PCARE: variants seen among roughly 807,000 people sequenced by gnomAD.
PCARE encodes photoreceptor cilium actin regulator.
In PCARE, 72 loss-of-function variants were observed where a neutral mutation model predicts 82.2. That is an observed-to-expected ratio of 0.88 (90% CI 0.72 to 1.07). PCARE has a LOEUF of 1.07. Ranked by LOEUF, PCARE falls within the 50% of genes least tolerant of loss-of-function variation. PCARE has a pLI of 0.00. For missense variants in PCARE, 1,768 were observed against 1,592.4 expected, an observed-to-expected ratio of 1.11 and a Z score of -1.88; for synonymous variants, 705 against 634.8, an observed-to-expected ratio of 1.11 and a Z score of -1.66.
chr2:29,066,951 G>A (rs1667399745), intron 1 of PCARE, among the ~76,000 whole-genome samples: 1 of 152,244 alleles, frequency 6.6e-6, no homozygotes, highest in Admixed American at 6.5e-5. Flanking sequence ...ATTTGGCACA[G>A]AAATAACAGT....
chr2:29,071,672 C>T lies in PCARE; in HGVS notation c.2590G>A (p.Glu864Lys), dbSNP rs1013795356. 1.1e-5 allele frequency: 17 copies of T among 1,613,916 alleles called. No homozygotes were observed. Among genetic ancestry groups the T allele is most frequent in the Admixed American group, 8.3e-5 (5 of 59,994 alleles). ...STENSPKETQ[E>K]PGPGEAGPTR... ...GGGCCAGCCTCTCCCGGCCCTGGCTCCTGGGTTTCCTTGGGGGAGTTCTCT... is the reference window on the plus strand; with the variant it reads ...GGGCCAGCCTCTCCCGGCCCTGGCTTCTGGGTTTCCTTGGGGGAGTTCTCT... Residue 864 changes from glutamate (E) to lysine (K), a missense_variant, in exon 1 of 2, where the codon GAG (glutamate) becomes AAG (lysine). Glu to Lys is a moderately conservative substitution (Grantham distance 56). Transcript: ENST00000331664.
Position 29,061,963 on chromosome 2 carries a change from A to G in PCARE, c.*2906T>C, listed in dbSNP as rs1265309073. ...GGAGGCAAAACTGACCAGATGCCAC[A>G]AAACTGTTCCATTGTGGATTTAATT... On this transcript the variant is annotated 3_prime_UTR_variant, in exon 2 of 2. Coordinates refer to ENST00000331664, the MANE Select transcript of PCARE (RefSeq NM_001029883.3). The G allele has an allele frequency of 2.0e-5, 3 of 152,236 alleles. No homozygotes were observed. The highest frequency in any genetic ancestry group is 4.8e-5 in the African/African-American group (2 of 41,464). 9.4% of individuals were successfully genotyped at this position (152,236 alleles called of 1,614,324 possible).
Position 29,064,627 on chromosome 2 carries a change from G to A in PCARE, c.*242C>T. 1 of 598,118 alleles carries A rather than the reference G, an allele frequency of 1.7e-6. No homozygotes were observed. Among genetic ancestry groups the A allele is most frequent in the South Asian group, 2.0e-5 (1 of 50,226 alleles). 37.1% of individuals were successfully genotyped at this position (598,118 alleles called of 1,614,324 possible). Reference sequence around the variant, plus strand: ...GCCAGCACTTGAAGCATTAAATACTGTCATTGTGGGGTCTAAAAGTTCTGG... The same window carrying A: ...GCCAGCACTTGAAGCATTAAATACTATCATTGTGGGGTCTAAAAGTTCTGG... On this transcript the variant is annotated 3_prime_UTR_variant, in exon 2 of 2. Transcript: ENST00000331664.
chr2:29,063,555 G>A lies in PCARE; in HGVS notation c.*1314C>T, dbSNP rs1231260794. On this transcript the variant is annotated 3_prime_UTR_variant, in exon 2 of 2. Transcript: ENST00000331664. ...ACAGTCCCAGCAAGAATGGGTTTGA[G>A]GTCTATAATTACCCCAAACTTTAAA... 1.3e-5 allele frequency: 2 copies of A among 152,590 alleles called. No individual in the cohort carries two copies. Among genetic ancestry groups the A allele is most frequent in the East Asian group, 3.8e-4 (2 of 5,196 alleles). The allele number at this position is 152,590 out of a possible 1,614,324, so 9.5% of individuals were successfully genotyped here. A position where few individuals can be genotyped will look rare whatever the true frequency, so the allele number is the denominator to read the frequency against.
At chr2:29,070,380 C>G (rs1667450723) in intron 1 of PCARE, among the ~76,000 whole-genome samples, 1 of 152,000 alleles carries the variant, frequency 6.6e-6, no homozygotes, top group African/African-American at 2.4e-5. Flanking sequence ...AAAATATTTC[C>G]TAGGCAGCTG....
chr2:29,071,274 G>A lies in PCARE; in HGVS notation c.2988C>T (p.Pro996=), dbSNP rs754342177. Residue 996 remains proline, a synonymous_variant, in exon 1 of 2, where the codon CCC becomes CCT. Coordinates refer to ENST00000331664, the MANE Select transcript of PCARE (RefSeq NM_001029883.3). ...CTTGAGGCACCCAGTGTGTCCTCGT[G>A]GGAGAGGCCTTTCTGCCCACAGGGG... ...RSPPVGRKAS[P]TRTHWVPQAD... is the part of the protein sequence containing the mutation. The A allele has an allele frequency of 1.2e-6, 2 of 1,613,536 alleles. No homozygotes were observed. Among genetic ancestry groups the A allele is most frequent in the Admixed American group, 1.7e-5 (1 of 60,026 alleles).
Position 29,071,346 on chromosome 2 carries a change from G to C in PCARE, c.2916C>G (p.Thr972=), listed in dbSNP as rs758526942. ...TTGGTCTGGCCAGGCTGGACTCTGAGGTCCTGTTTTGTCCAGATGGAGGGC... is the reference window on the plus strand; with the variant it reads ...TTGGTCTGGCCAGGCTGGACTCTGACGTCCTGTTTTGTCCAGATGGAGGGC... ...HSGPPSGQNR[T]SESSLARPRQ... is the part of the protein sequence containing the mutation. Residue 972 remains threonine, a synonymous_variant, in exon 1 of 2, where the codon ACC becomes ACG. Transcript: ENST00000331664. 2 of 1,613,598 alleles carry C rather than the reference G, an allele frequency of 1.2e-6. No homozygotes were observed. The highest frequency in any genetic ancestry group is 2.7e-5 in the African/African-American group (2 of 74,940).
rs1341882335 is a variant in PCARE at position 29,072,534 on chromosome 2, TGGG to T, written c.1725_1727del (p.Pro576del). 4.3e-6 allele frequency: 7 copies of T among 1,614,138 alleles called. No homozygotes were observed. Among genetic ancestry groups the T allele is most frequent in the East Asian group, 2.2e-5 (1 of 44,868 alleles). ...TGCTGCCACTTACCGTGCTAGGTCT[TGGG>T]GGGACCACTGTCCTCCCCTCCTCCT... On this transcript the variant is annotated inframe_deletion, in exon 1 of 2. Transcript: ENST00000331664.
rs1437883654 is a variant in PCARE, at chr2:29,073,307, C to T, written c.955G>A (p.Glu319Lys). ...NKLSTKRNVD[E>K]RLLRALRQLE... is the part of the protein sequence containing the mutation. ...TGCCTCAGAGCCCTCAGGAGGCGTT[C>T]ATCCACATTCCTTTTTGTGCTCAGC... Residue 319 changes from glutamate to lysine, a missense_variant, in exon 1 of 2, where the codon GAA becomes AAA. Transcript: ENST00000331664. The T allele has an allele frequency of 1.2e-6, 2 of 1,614,188 alleles. No homozygotes were observed. Among genetic ancestry groups the T allele is most frequent in the East Asian group, 4.5e-5 (2 of 44,878 alleles).
rs768855112 is a variant in PCARE, at chr2:29,073,461, C to T, written c.801G>A (p.Leu267=). The change falls in exon 1 of 2, where the codon CTG becomes CTA. Residue 267 remains leucine (L), a synonymous_variant. Transcript: ENST00000331664. ...KREPQEQPNL[L]QQLLQYTVSK... ...TGACTGTGTACTGTAGCAGCTGTTG[C>T]AGGAGATTTGGCTGCTCCTGGGGCT... 1.2e-6 allele frequency: 2 copies of T among 1,614,208 alleles called. No homozygotes were observed. The highest frequency in any genetic ancestry group is 1.7e-6 in the Non-Finnish European group (2 of 1,180,036).
rs1562392 is a variant in PCARE at position 29,062,709 on chromosome 2, C to T, written c.*2160G>A. On this transcript the variant is annotated 3_prime_UTR_variant, in exon 2 of 2. Coordinates refer to ENST00000331664, the MANE Select transcript of PCARE (RefSeq NM_001029883.3). The stretch of plus-strand genomic sequence containing the variant: ...CAGCCCTGGACTTTTAAGATGAGGC[C>T]CTTTACGGAAGGAGGCCTGGGCTGG... 0.54 allele frequency: 82,493 copies of T among 152,060 alleles called. 22,774 individuals carry two copies. Among genetic ancestry groups the T allele is most frequent in the East Asian group, 0.83 (4,265 of 5,160 alleles). The allele number at this position is 152,060 out of a possible 1,614,324, so 9.4% of individuals were successfully genotyped here.
At position 29,070,816 on chromosome 2, in the gene PCARE, G is replaced by A. The variant is rs746465411; in HGVS notation, c.3446C>T (p.Pro1149Leu). 6 of 1,613,976 alleles carry A rather than the reference G, an allele frequency of 3.7e-6. No homozygotes were observed. The highest frequency in any genetic ancestry group is 1.7e-5 in the Admixed American group (1 of 60,014). Reference sequence around the variant, plus strand: ...CCCGAGAGGGCCCCCAGCCTCTGGCGGCAGCGATGGTGGGGTCAGTGGGTG... The same window carrying A: ...CCCGAGAGGGCCCCCAGCCTCTGGCAGCAGCGATGGTGGGGTCAGTGGGTG... ...TAHPLTPPSLPPEAGGPLGNP... is the reference protein window; with the variant it reads ...TAHPLTPPSLLPEAGGPLGNP... The change falls in exon 1 of 2, where the codon CCG (proline) becomes CTG (leucine). Residue 1149 changes from proline to leucine, a missense_variant. Transcript: ENST00000331664.
At position 29,064,953 on chromosome 2, in the gene PCARE, G is replaced by A. The variant is rs201566996; in HGVS notation, c.3783C>T (p.His1261=). Reference sequence around the variant, plus strand: ...CGGTCCGAGGCTCCGGTTGCAGCCCGTGGCCCAGCACACAGAACTCTGGGG... The same window carrying A: ...CGGTCCGAGGCTCCGGTTGCAGCCCATGGCCCAGCACACAGAACTCTGGGG... ...ASPPEFCVLG[H]GLQPEPRTGH... The change falls in exon 2 of 2, where the codon CAC becomes CAT. Residue 1261 remains histidine, a synonymous_variant. Coordinates refer to ENST00000331664, the MANE Select transcript of PCARE (RefSeq NM_001029883.3). 4.1e-5 allele frequency: 66 copies of A among 1,606,260 alleles called. No individual in the cohort carries two copies. In the African/African-American group the frequency reaches 4.8e-4, roughly 12 times the overall value.
chr2:29,071,640 C>T lies in PCARE; in HGVS notation c.2622G>A (p.Arg874=). Residue 874 remains arginine, a synonymous_variant, in exon 1 of 2, where the codon AGG becomes AGA. Transcript: ENST00000331664. ...TCAGCTTTGGGGAAGCCCATGTTCT[C>T]CTGGTGGGGCCAGCCTCTCCCGGCC... is the stretch of plus-strand genomic sequence containing the variant. ...EPGPGEAGPT[R]RTWASPKLRA... 1 of 1,613,816 alleles carries T rather than the reference C, an allele frequency of 6.2e-7. No homozygotes were observed. Among genetic ancestry groups the T allele is most frequent in the Non-Finnish European group, 8.5e-7 (1 of 1,179,862 alleles).
chr2:29,062,913 G>A lies in PCARE; in HGVS notation c.*1956C>T, dbSNP rs1287161677. ...CAGCTTCGTTTCCTCGGACCTCCAG[G>A]AATCCTGCCCCTAAATCTGAGCCCA... is the stretch of plus-strand genomic sequence containing the variant. On this transcript the variant is annotated 3_prime_UTR_variant, in exon 2 of 2. Transcript: ENST00000331664. The A allele has an allele frequency of 6.6e-6, 1 of 152,204 alleles. No individual in the cohort carries two copies. The highest frequency in any genetic ancestry group is 6.5e-5 in the Admixed American group (1 of 15,284). The allele number at this position is 152,204 out of a possible 1,614,324, so 9.4% of individuals were successfully genotyped here.
chr2:29,069,556 G>C (rs953380789), intron 1 of PCARE, among the ~76,000 whole-genome samples: 2 of 152,146 alleles, frequency 1.3e-5, no homozygotes, highest in African/African-American at 4.8e-5. Flanking sequence ...TGGGAGGAGG[G>C]AGAGAGCAGA....
chr2:29,071,501 C>A lies in PCARE; in HGVS notation c.2761G>T (p.Ala921Ser). ...GCTGGTGGGCTGCTCAGGTCCAGGG[C>A]TGGCTTCCTGGGCTGGCAGCTGCTC... is the stretch of plus-strand genomic sequence containing the variant. ...GRSSCQPRKPALDLSSPPATS... is the reference protein window; with the variant it reads ...GRSSCQPRKPSLDLSSPPATS... The change falls in exon 1 of 2, where the codon GCC (alanine) becomes TCC (serine). Residue 921 changes from alanine (A) to serine (S), a missense_variant. Physicochemically the swap from Ala to Ser is moderately conservative, Grantham distance 99 (BLOSUM62 1). Coordinates refer to ENST00000331664, the MANE Select transcript of PCARE (RefSeq NM_001029883.3). 2 of 1,609,848 alleles carry A rather than the reference C, an allele frequency of 1.2e-6. No individual in the cohort carries two copies. Among genetic ancestry groups the A allele is most frequent in the South Asian group, 1.1e-5 (1 of 91,072 alleles).
rs1278804220 is a variant in PCARE, at chr2:29,074,060, G to T, written c.202C>A (p.Gln68Lys). The stretch of plus-strand genomic sequence containing the variant: ...TGACAAAGACCTTTAGCTGTGGTTT[G>T]GTTCCTCCTGGGACTTGGCTGCTCC... ...AEEQPSPRRN[Q>K]TTAKGLCQLM... The change falls in exon 1 of 2, where the codon CAA becomes AAA. Residue 68 changes from glutamine to lysine, a missense_variant. Coordinates refer to ENST00000331664, the MANE Select transcript of PCARE (RefSeq NM_001029883.3). 4.5e-5 allele frequency: 73 copies of T among 1,614,190 alleles called. No homozygotes were observed. Among genetic ancestry groups the T allele is most frequent in the Non-Finnish European group, 6.1e-5 (72 of 1,180,042 alleles).
Position 29,073,185 on chromosome 2 carries a change from C to T in PCARE, c.1077G>A (p.Val359=). The T allele has an allele frequency of 6.2e-7, 1 of 1,614,206 alleles. No individual in the cohort carries two copies. Among genetic ancestry groups the T allele is most frequent in the Non-Finnish European group, 8.5e-7 (1 of 1,180,038 alleles). ...GCTTGCCCAGCTTGTCCACCGACTG[C>T]ACGGACTCATTGTCAGCACCAATGC... is the stretch of plus-strand genomic sequence containing the variant. ...DSGIGADNES[V]QSVDKLGKQT... Residue 359 remains valine, a synonymous_variant, in exon 1 of 2, where the codon GTG becomes GTA. Transcript: ENST00000331664.
Sources: gnomAD v4.1 joint callset for allele counts (sites outside exome capture counted in the v4.1 genomes callset) on GRCh38, gnomAD v4.1.1 for gene constraint, MANE v1.5 for transcripts, NCBI Gene and HGNC (gene_info 2026-07-23, HGNC 2026-07-21) for gene names.